Variants in PPRC1 observed in about 807,000 individuals in gnomAD.
PPRC1 encodes PPARG related coactivator 1.
Under a neutral mutation model 132.5 loss-of-function variants are expected in PPRC1, and 23 were observed. That is an observed-to-expected ratio of 0.17 (90% CI 0.12 to 0.25). The LOEUF is 0.25. Ranked by LOEUF, PPRC1 falls within the 10% of genes least tolerant of loss-of-function variation. The pLI is 1.00. For synonymous variants in PPRC1, 872 were observed against 833.5 expected, an observed-to-expected ratio of 1.05 and a Z score of -0.80; for missense variants, 2,006 against 2,089.1, an observed-to-expected ratio of 0.96 and a Z score of 0.78.
rs1387615828 is a variant in PPRC1, at chr10:102,140,728, T to A, written c.2220T>A (p.Ser740Arg). ...VDSLKIESGTSATTHEARPRP... is the reference protein window; with the variant it reads ...VDSLKIESGTRATTHEARPRP... ...CTCTGAAAATTGAAAGTGGTACCAG[T>A]GCTACAACCCATGAAGCCAGACCTC... The change falls in exon 5 of 14, where the codon AGT becomes AGA. Residue 740 changes from serine to arginine, a missense_variant. Coordinates refer to ENST00000278070, the MANE Select transcript of PPRC1 (RefSeq NM_015062.5). 2 of 1,613,906 alleles carry A rather than the reference T, an allele frequency of 1.2e-6. No homozygotes were observed. The highest frequency in any genetic ancestry group is 1.7e-6 in the Non-Finnish European group (2 of 1,180,012).
the PPRC1 span, chr10:102,120,022 G>A: frequency 7.8e-7 from 1 of 1,289,632 alleles, no homozygotes; most frequent in South Asian, 1.5e-5. Context: ...CGCCAAACAC[G>A]GGGTGAGGGG....
At chr10:102,120,605 C>T in the PPRC1 span, among the ~76,000 whole-genome samples, 2 of 151,670 alleles carry the variant, frequency 1.3e-5, no homozygotes, top group Non-Finnish European at 2.9e-5. Flanking sequence ...GTGCGTGCGC[C>T]GCGCGGCGGG....
intron 2 of PPRC1, 104 bp from the exon 3 acceptor site, chr10:102,138,515 C>T: frequency 7.2e-7 from 1 of 1,392,724 alleles, no homozygotes; most frequent in South Asian, 1.4e-5. Context: ...GCCCCATTAG[C>T]TGAGTTGAAC....
upstream of PPRC1, among the ~76,000 whole-genome samples, chr10:102,132,511 C>T (rs1225455956): frequency 2.0e-5 from 3 of 152,176 alleles, no homozygotes; most frequent in Non-Finnish European, 4.4e-5. Flanking sequence ...ATAGAGAAGG[C>T]AACGTAAGTT....
chr10:102,138,997 G>A lies in PPRC1; in HGVS notation c.591+17G>A, dbSNP rs1230519102. ...GGGAGTGGGGTAAGCCTGACCTAGAGGGTTTCAGAAACTCCCAGGTGGGAG... is the reference window on the plus strand; with the variant it reads ...GGGAGTGGGGTAAGCCTGACCTAGAAGGTTTCAGAAACTCCCAGGTGGGAG... On this transcript the variant is annotated intron_variant, in intron 4 of 13. Coordinates refer to ENST00000278070, the MANE Select transcript of PPRC1 (RefSeq NM_015062.5). 6.2e-7 allele frequency: 1 copy of A among 1,609,998 alleles called. No individual in the cohort carries two copies. Among genetic ancestry groups the A allele is most frequent in the Admixed American group, 1.7e-5 (1 of 60,018 alleles).
In PPRC1 at chr10:102,144,687, G is replaced by A; in HGVS notation, c.3609-333G>A. On this transcript the variant is annotated intron_variant, in intron 7 of 13. Transcript: ENST00000278070. Reference sequence around the variant, plus strand: ...TTAATGGCTAGGAGTCATTTTTCATGTTCATGATCCTCCATCCTGTTCTGC... The same window carrying A: ...TTAATGGCTAGGAGTCATTTTTCATATTCATGATCCTCCATCCTGTTCTGC... The A allele has an allele frequency of 6.5e-6, 3 of 463,120 alleles. No homozygotes were observed. The South Asian group carries it at 8.4e-5, about 13-fold the overall frequency. 28.7% of individuals were successfully genotyped at this position (463,120 alleles called of 1,614,324 possible). A position where few individuals can be genotyped will look rare whatever the true frequency, so the allele number is the denominator to read the frequency against.
the PPRC1 span, among the ~76,000 whole-genome samples, chr10:102,120,721 G>A: frequency 2.0e-5 from 3 of 152,314 alleles, no homozygotes; most frequent in East Asian, 1.9e-4. Context: ...CGAAGGGGAG[G>A]GCTTGGAGGC....
intron 2 of PPRC1, 27 bp downstream of exon 2, chr10:102,138,065 T>C (rs765026993): frequency 6.2e-7 from 1 of 1,602,886 alleles, no homozygotes; most frequent in South Asian, 1.1e-5. Flanking sequence ...CTCTGAAATC[T>C]TCAAGCAGGA....
chr10:102,139,405 T>A lies in PPRC1; in HGVS notation c.897T>A (p.Asp299Glu), dbSNP rs2068854084. ...AGATGGCAGTGCCAGCAGCTGGTGATGAGAGCATCTCCTCCCTGAGTGAGC... is the reference window on the plus strand; with the variant it reads ...AGATGGCAGTGCCAGCAGCTGGTGAAGAGAGCATCTCCTCCCTGAGTGAGC... ...AAEMAVPAAG[D>E]ESISSLSELV... is the part of the protein sequence containing the mutation. The change falls in exon 5 of 14, where the codon GAT becomes GAA. Residue 299 changes from aspartate (D) to glutamate (E), a missense_variant. Around this residue, in one of 2 missense-constraint regions of PPRC1, gnomAD observed 1,914 missense variants for 1,917.2 expected, o/e 1.00. Coordinates refer to ENST00000278070, the MANE Select transcript of PPRC1 (RefSeq NM_015062.5). 3 of 1,614,240 alleles carry A rather than the reference T, an allele frequency of 1.9e-6. No individual in the cohort carries two copies. The highest frequency in any genetic ancestry group is 2.2e-5 in the East Asian group (1 of 44,878).
the PPRC1 span, among the ~76,000 whole-genome samples, chr10:102,127,674 G>A: frequency 6.6e-6 from 1 of 152,044 alleles, no homozygotes; most frequent in Non-Finnish European, 1.5e-5. Context: ...CCAAAGTGCT[G>A]GGATTACAGG....
chr10:102,120,236 C>CCTCGGCCCGGT, the PPRC1 span: 1 of 983,276 alleles, frequency 1.0e-6, no homozygotes, highest in Non-Finnish European at 1.2e-6. Flanking sequence ...CCCGGCCCGG[C>CCTCGGCCCGGT]CTCGGCCCGG....
rs774495816 is a variant in PPRC1, at chr10:102,133,166, G to A, written c.98G>A (p.Gly33Glu). 26 of 1,269,698 alleles carry A rather than the reference G, an allele frequency of 2.0e-5. No individual in the cohort carries two copies. In the East Asian group the frequency reaches 7.5e-4, roughly 36 times the overall value. The allele number at this position is 1,269,698 out of a possible 1,614,324, so 78.7% of individuals were successfully genotyped here. The change falls in exon 1 of 14, where the codon GGA becomes GAA. Residue 33 changes from glycine (G) to glutamate (E), a missense_variant. Coordinates refer to ENST00000278070, the MANE Select transcript of PPRC1 (RefSeq NM_015062.5). ...PGGGARGSGW[G>E]SRSQAPYGTL... ...GGGGGAGCCCGCGGCAGTGGTTGGG[G>A]AAGTCGAAGCCAAGCGCCGTATGGG...
rs770079621 is a variant in PPRC1 at position 102,149,910 on chromosome 10, G to A, written c.4892-16G>A. ...AGTGTGGTCAGAGACCTTGAAGTTT[G>A]TCTTTACCTTTATAGACTCCAACCG... On this transcript the variant is annotated splice_polypyrimidine_tract_variant and intron_variant, in intron 13 of 13. Transcript: ENST00000278070. 6.3e-7 allele frequency: 1 copy of A among 1,583,028 alleles called. No individual in the cohort carries two copies. The highest frequency in any genetic ancestry group is 8.7e-7 in the Non-Finnish European group (1 of 1,151,732).
At chr10:102,149,137 A>C in intron 12 of PPRC1, 41 bp from the exon 13 acceptor site, 1 of 1,549,566 alleles carries the variant, frequency 6.5e-7, no homozygotes, top group Middle Eastern at 1.8e-4. Flanking sequence ...GCATGGGCCC[A>C]TATAGCCACT....
chr10:102,132,896 G>A (rs2068571485), upstream of PPRC1: 1 of 980,914 alleles, frequency 1.0e-6, no homozygotes, highest in African/African-American at 1.7e-5. Context: ...CTACTCCCAG[G>A]AACCTTCGCG....
chr10:102,120,468 C>G, the PPRC1 span: 17 of 884,556 alleles, frequency 1.9e-5, no homozygotes, highest in Middle Eastern at 5.8e-4. Context: ...CGCGCTCCCT[C>G]GCGCCGGCGC....
chr10:102,142,890 G>C, intron 5 of PPRC1, 155 bp from the exon 6 acceptor site: 1 of 592,060 alleles, frequency 1.7e-6, no homozygotes, highest in South Asian at 2.8e-5. Flanking sequence ...GGGTTGGTTT[G>C]AATCCTTCAT....
chr10:102,133,131 G>T lies in PPRC1; in HGVS notation c.63G>T (p.Pro21=), dbSNP rs34756593. Residue 21 remains proline, a synonymous_variant, in exon 1 of 14, where the codon CCG becomes CCT. Coordinates refer to ENST00000278070, the MANE Select transcript of PPRC1 (RefSeq NM_015062.5). ...VAPPPSGGPG[P]DPGGGARGSG... is the part of the protein sequence containing the mutation. Reference sequence around the variant, plus strand: ...CGCCCCCGAGTGGGGGCCCCGGTCCGGACCCTGGCGGGGGAGCCCGCGGCA... The same window carrying T: ...CGCCCCCGAGTGGGGGCCCCGGTCCTGACCCTGGCGGGGGAGCCCGCGGCA... 17,577 of 1,250,786 alleles carry T rather than the reference G, an allele frequency of 0.014. 159 individuals carry two copies. The highest frequency in any genetic ancestry group is 0.051 in the Admixed American group (1,221 of 24,158). The allele number at this position is 1,250,786 out of a possible 1,614,324, so 77.5% of individuals were successfully genotyped here.
rs2068946751 is a variant in PPRC1 at position 102,140,968 on chromosome 10, G to T, written c.2460G>T (p.Val820=). ...AAACACCCCTTGAGATTTGCCTTGT[G>T]CCTGTAGGTCCCAGCCCTGCTTCTC... is the stretch of plus-strand genomic sequence containing the variant. ...SPETPLEICL[V]PVGPSPASPS... The change falls in exon 5 of 14, where the codon GTG becomes GTT. Residue 820 remains valine (V), a synonymous_variant. Coordinates refer to ENST00000278070, the MANE Select transcript of PPRC1 (RefSeq NM_015062.5). 6.2e-7 allele frequency: 1 copy of T among 1,613,990 alleles called. No individual in the cohort carries two copies. Among genetic ancestry groups the T allele is most frequent in the Non-Finnish European group, 8.5e-7 (1 of 1,180,006 alleles).
Sources: gnomAD v4.1 joint callset for allele counts (sites outside exome capture counted in the v4.1 genomes callset) on GRCh38, gnomAD v4.1.1 for gene constraint, gnomAD v4.1.1 regional missense constraint, MANE v1.5 for transcripts, NCBI Gene and HGNC (gene_info 2026-07-23, HGNC 2026-07-21) for gene names.